PRTG: variants seen among roughly 807,000 people sequenced by gnomAD.
PRTG encodes protogenin.
A neutral mutation model predicts 122.5 loss-of-function variants in PRTG; 67 were observed. The ratio of observed to expected loss-of-function variants is 0.55; its 90% CI spans 0.45 to 0.67. The LOEUF (loss-of-function observed/expected upper bound fraction) is 0.67, where lower values mean the gene tolerates loss of function less well. PRTG is among the 30% of genes least tolerant of loss of function. PRTG has a pLI of 0.00. For synonymous variants in PRTG, 554 were observed against 501.1 expected (o/e 1.11, Z -1.41); for missense variants, 1,435 against 1,415.4 (o/e 1.01, Z -0.22).
At chr15:55,697,134 G>A (rs1049183185) in intron 2 of PRTG, among the ~76,000 whole-genome samples, 3 of 152,172 alleles carry the variant, frequency 2.0e-5, no homozygotes, top group African/African-American at 7.2e-5. Context: ...CAGAAAGAGG[G>A]TAACACAAAA....
At chr15:55,679,562 G>T in intron 6 of PRTG, 117 bp from the exon 7 acceptor site, 1 of 722,228 alleles carries the variant, frequency 1.4e-6, no homozygotes, top group South Asian at 2.0e-5. Flanking sequence ...CTGACATGCT[G>T]AGCTCCTGTC....
intron 11 of PRTG, among the ~76,000 whole-genome samples, chr15:55,664,885 C>A (rs963095669): frequency 1.3e-5 from 2 of 152,044 alleles, no homozygotes; most frequent in Non-Finnish European, 2.9e-5. Context: ...CTGCACCTGG[C>A]AGAAATTTTG....
intron 4 of PRTG, 94 bp from the exon 5 acceptor site, chr15:55,680,722 CT>C (rs1567096888): frequency 2.3e-6 from 2 of 851,826 alleles, no homozygotes; most frequent in Non-Finnish European, 3.3e-6. Context: ...ACTCACTTTT[CT>C]TTTTTTAAAA....
intron 11 of PRTG, among the ~76,000 whole-genome samples, chr15:55,650,935 C>T (rs977730088): frequency 2.0e-5 from 3 of 152,060 alleles, no homozygotes; most frequent in African/African-American, 7.2e-5. Context: ...CCACTGCACT[C>T]CAGCCTGGGT....
chr15:55,637,116 CT>C, intron 15 of PRTG, 53 bp downstream of exon 15: 2 of 1,287,474 alleles, frequency 1.6e-6, no homozygotes, highest in South Asian at 2.3e-5. Flanking sequence ...CCTTTTGTTT[CT>C]TTAATATTAA....
intron 11 of PRTG, among the ~76,000 whole-genome samples, chr15:55,646,173 GTTTTTTTT>G (rs545958068): frequency 8.0e-6 from 1 of 124,342 alleles, no homozygotes; most frequent in African/African-American, 3.0e-5. Context: ...TGCCCAGCTA[GTTTTTTTT>G]TTTTTTTTTT....
At chr15:55,741,996 T>C (rs1298492513) in intron 1 of PRTG, among the ~76,000 whole-genome samples, 1 of 152,162 alleles carries the variant, frequency 6.6e-6, no homozygotes, top group African/African-American at 2.4e-5. Flanking sequence ...CCCCATTCAC[T>C]TTACACTTTT....
At chr15:55,698,939 C>G (rs1567105397) in intron 2 of PRTG, among the ~76,000 whole-genome samples, 2 of 152,082 alleles carry the variant, frequency 1.3e-5, no homozygotes, top group Non-Finnish European at 2.9e-5. Context: ...TCCCCTTCTT[C>G]TCATAACTGC....
chr15:55,675,750 T>C, intron 8 of PRTG, 67 bp from the exon 9 acceptor site: 2 of 984,712 alleles, frequency 2.0e-6, no homozygotes, highest in South Asian at 1.6e-5. Flanking sequence ...ACCATTTTCC[T>C]GCACTGTGAA....
intron 15 of PRTG, among the ~76,000 whole-genome samples, chr15:55,636,432 CA>C (rs2059258172): frequency 6.6e-6 from 1 of 151,986 alleles, no homozygotes; most frequent in African/African-American, 2.4e-5. Context: ...TCATCCATAA[CA>C]AATCTCCCTT....
Position 55,697,019 on chromosome 15 carries a change from G to A in PRTG, c.398-13088C>T, listed in dbSNP as rs957569324. Among the ~76,000 whole-genome samples, 7 of 152,138 alleles carry A rather than the reference G, an allele frequency of 4.6e-5. No individual in the cohort carries two copies. The South Asian group carries it at 8.3e-4, about 18-fold the overall frequency. On this transcript the variant is annotated intron_variant, in intron 2 of 19. Transcript: ENST00000389286. Reference sequence around the variant, plus strand: ...CTATAGTGCATTCATATTTTAAAACGCACCTTTAATAATACCTGAGAATTT... The same window carrying A: ...CTATAGTGCATTCATATTTTAAAACACACCTTTAATAATACCTGAGAATTT...
intron 2 of PRTG, among the ~76,000 whole-genome samples, chr15:55,729,568 C>T (rs1250307870): frequency 1.3e-5 from 2 of 151,220 alleles, no homozygotes; most frequent in Non-Finnish European, 2.9e-5. Flanking sequence ...CCAGCCTGGG[C>T]ATAGCAAGAT....
chr15:55,621,213 G>A (rs751189376), intron 18 of PRTG, among the ~76,000 whole-genome samples: 7 of 152,046 alleles, frequency 4.6e-5, no homozygotes, highest in South Asian at 2.1e-4. Context: ...TTAGCCAGGC[G>A]TGGTGGCAGG....
At chr15:55,669,381 A>ATAGGATTCCCT (rs1256499010) in intron 11 of PRTG, among the ~76,000 whole-genome samples, 1 of 152,212 alleles carries the variant, frequency 6.6e-6, no homozygotes, top group Non-Finnish European at 1.5e-5. Context: ...CAAGACACAG[A>ATAGGATTCCCT]TAGGATTCCC....
intron 11 of PRTG, chr15:55,656,207 C>T (rs2059378916): frequency 6.7e-6 from 2 of 298,746 alleles, no homozygotes; most frequent in Admixed American, 9.3e-5. Context: ...CACAAGAATC[C>T]AGGATTACAC....
chr15:55,706,053 G>A (rs2030100234), intron 2 of PRTG, among the ~76,000 whole-genome samples: 1 of 136,324 alleles, frequency 7.3e-6, no homozygotes, highest in Non-Finnish European at 1.5e-5. Flanking sequence ...GTAGAGACGG[G>A]ATTTCACCAT....
At chr15:55,715,685 T>G (rs1358826235) in intron 2 of PRTG, among the ~76,000 whole-genome samples, 2 of 152,126 alleles carry the variant, frequency 1.3e-5, no homozygotes, top group Non-Finnish European at 2.9e-5. Context: ...GTACTGGAAG[T>G]CCAAACTAGA....
At chr15:55,710,673 AC>A (rs1168683239) in intron 2 of PRTG, among the ~76,000 whole-genome samples, 1 of 151,822 alleles carries the variant, frequency 6.6e-6, no homozygotes, top group Non-Finnish European at 1.5e-5. Flanking sequence ...TATTTTTGAT[AC>A]CTCTAAAAGC....
At chr15:55,656,144 T>C (rs975739985) in intron 11 of PRTG, 1 of 273,506 alleles carries the variant, frequency 3.7e-6, no homozygotes, top group African/African-American at 2.3e-5. Flanking sequence ...ATATATAGTC[T>C]GTATTTAAAT....
Sources: gnomAD v4.1 joint callset for allele counts (sites outside exome capture counted in the v4.1 genomes callset) on GRCh38, gnomAD v4.1.1 for gene constraint, MANE v1.5 for transcripts, NCBI Gene and HGNC (gene_info 2026-07-23, HGNC 2026-07-21) for gene names.